CFAP91: variants seen among roughly 807,000 people sequenced by gnomAD.
The protein encoded by CFAP91 is cilia and flagella associated protein 91.
A neutral mutation model predicts 95.9 loss-of-function variants in CFAP91; 85 were observed. The ratio of observed to expected loss-of-function variants is 0.89; its 90% CI spans 0.74 to 1.06. CFAP91 has a LOEUF of 1.06. Ranked by LOEUF, CFAP91 falls within the 50% of genes least tolerant of loss-of-function variation. The probability of loss-of-function intolerance (pLI) is 0.00; values close to 1 mark genes in which losing one functional copy is unlikely to be tolerated. For synonymous variants in CFAP91, 335 were observed against 327.5 expected (o/e 1.02, Z -0.25); for missense variants, 962 against 943.4 (o/e 1.02, Z -0.26).
intron 17 of CFAP91, among the ~76,000 whole-genome samples, chr3:119,761,706 A>G (rs2054540866): frequency 6.6e-6 from 1 of 151,966 alleles, no homozygotes; most frequent in African/African-American, 2.4e-5. Context: ...TAAATGTGAT[A>G]TACCATATTA....
rs1040956753 is a variant in CFAP91, at chr3:119,766,681, A to G, written c.*1631A>G. The G allele has an allele frequency of 9.8e-5, 15 of 152,308 alleles. No individual in the cohort carries two copies. Among genetic ancestry groups the G allele is most frequent in the Middle Eastern group, 3.4e-3 (1 of 294 alleles). The allele number at this position is 152,308 out of a possible 1,614,324, so 9.4% of individuals were successfully genotyped here. A position where few individuals can be genotyped will look rare whatever the true frequency, so the allele number is the denominator to read the frequency against. ...GTCTGATGGTCGCCATCATAACTGC[A>G]TACTCAACTCTGCCGTTGTAGGGTA... On this transcript the variant is annotated 3_prime_UTR_variant, in exon 18 of 18. Transcript: ENST00000273390.
rs75370053 is a variant in CFAP91 at position 119,726,334 on chromosome 3, G to A, written c.846G>A (p.Glu282=). 16,960 of 1,611,160 alleles carry A rather than the reference G, an allele frequency of 0.011. 152 individuals carry two copies. The highest frequency in any genetic ancestry group is 0.029 in the South Asian group (2,619 of 90,542). The change falls in exon 7 of 18, where the codon GAG becomes GAA. Residue 282 remains glutamate, a synonymous_variant. Transcript: ENST00000273390. ...AGAGGAAGGAGTGGGCCTTCAGAGA[G>A]CAGGAGATTGAAAAGTAGGTTCTCT... is the stretch of plus-strand genomic sequence containing the variant. ...EMERKEWAFR[E]QEIEKLQEIR...
chr3:119,717,754 T>G (rs1353397378), intron 6 of CFAP91, among the ~76,000 whole-genome samples: 1 of 152,146 alleles, frequency 6.6e-6, no homozygotes, highest in East Asian at 1.9e-4. Flanking sequence ...ACCCCAGCTC[T>G]TCTTCTCAAT....
intron 8 of CFAP91, among the ~76,000 whole-genome samples, chr3:119,731,659 T>C (rs1020514263): frequency 6.6e-6 from 1 of 152,176 alleles, no homozygotes; most frequent in African/African-American, 2.4e-5. Flanking sequence ...CACGATCTTG[T>C]ATAAGATTTT....
At chr3:119,725,784 T>C (rs2053771657) in intron 6 of CFAP91, among the ~76,000 whole-genome samples, 2 of 152,070 alleles carry the variant, frequency 1.3e-5, no homozygotes, top group African/African-American at 4.8e-5. Flanking sequence ...AAAGTATATA[T>C]TTTTCACTTT....
intron 13 of CFAP91, among the ~76,000 whole-genome samples, 173 bp from the exon 14 acceptor site, chr3:119,743,802 T>G (rs539619989): frequency 6.7e-4 from 102 of 152,362 alleles, no homozygotes; most frequent in African/African-American, 2.4e-3. Flanking sequence ...TGCCTCAGTT[T>G]TCCTCATAAG....
intron 10 of CFAP91, among the ~76,000 whole-genome samples, chr3:119,734,015 A>G (rs1341866473): frequency 2.6e-5 from 4 of 152,156 alleles, no homozygotes; most frequent in Non-Finnish European, 4.4e-5. Context: ...GGTGTATAGA[A>G]TCTGTGGTTT....
chr3:119,704,209 A>G (rs1049805677), intron 1 of CFAP91, among the ~76,000 whole-genome samples: 2 of 152,188 alleles, frequency 1.3e-5, no homozygotes, highest in Non-Finnish European at 2.9e-5. Context: ...GAGAAGGAGG[A>G]CAAACATCTC....
intron 17 of CFAP91, among the ~76,000 whole-genome samples, chr3:119,752,811 A>G (rs1471219121): frequency 1.3e-5 from 2 of 152,222 alleles, no homozygotes; most frequent in South Asian, 2.1e-4. Context: ...TATGTAAAGC[A>G]TATATGATAA....
intron 17 of CFAP91, among the ~76,000 whole-genome samples, chr3:119,763,828 G>T (rs1032999287): frequency 1.3e-5 from 2 of 152,090 alleles, no homozygotes; most frequent in African/African-American, 4.8e-5. Flanking sequence ...AATGTTGGTT[G>T]CCAGAAGCTA....
At chr3:119,757,682 T>C (rs1170625920) in intron 17 of CFAP91, among the ~76,000 whole-genome samples, 1 of 152,104 alleles carries the variant, frequency 6.6e-6, no homozygotes, top group Non-Finnish European at 1.5e-5. Flanking sequence ...TGGAATATTT[T>C]AGATACATAA....
intron 17 of CFAP91, among the ~76,000 whole-genome samples, chr3:119,763,755 A>G (rs1161409557): frequency 6.6e-6 from 1 of 152,094 alleles, no homozygotes; most frequent in Non-Finnish European, 1.5e-5. Flanking sequence ...CCACACACAT[A>G]CACATATGCT....
chr3:119,710,200 G>C (rs2053448635), intron 5 of CFAP91: 1 of 229,294 alleles, frequency 4.4e-6, no homozygotes, highest in South Asian at 9.5e-5. Context: ...ATTTCTTACT[G>C]TTAGTTGTCC....
Position 119,703,910 on chromosome 3 carries a change from C to T in CFAP91, c.124+688C>T, listed in dbSNP as rs556995946. On this transcript the variant is annotated intron_variant, in intron 1 of 17. Coordinates refer to ENST00000273390, the MANE Select transcript of CFAP91 (RefSeq NM_033364.4). ...ATAAATAAATGTTTATTGAATTTGC[C>T]GTGGCAAGAACTGTAACCAGCTATA... is the stretch of plus-strand genomic sequence containing the variant. Among the ~76,000 whole-genome samples, 3 of 152,166 alleles carry T rather than the reference C, an allele frequency of 2.0e-5. No homozygotes were observed. In the South Asian group the frequency reaches 6.2e-4, roughly 32 times the overall value.
At chr3:119,719,189 A>G (rs1055449958) in intron 6 of CFAP91, among the ~76,000 whole-genome samples, 1 of 152,236 alleles carries the variant, frequency 6.6e-6, no homozygotes, top group Non-Finnish European at 1.5e-5. Context: ...AAAATAAGAT[A>G]CAGAAGAGTG....
chr3:119,708,626 A>G lies in CFAP91; in HGVS notation c.395A>G (p.Tyr132Cys). 6.2e-7 allele frequency: 1 copy of G among 1,607,460 alleles called. No individual in the cohort carries two copies. The highest frequency in any genetic ancestry group is 8.5e-7 in the Non-Finnish European group (1 of 1,176,656). ...TCTTTTCAGATGCCTAAAGAAGTTT[A>G]TGAAGATCCTGAAGTTACTGGAAAG... is the stretch of plus-strand genomic sequence containing the variant. The part of the protein sequence containing the change: ...DASFQMPKEV[Y>C]EDPEVTGKNR... The change falls in exon 4 of 18, where the codon TAT (tyrosine) becomes TGT (cysteine). Residue 132 changes from tyrosine (Y) to cysteine (C), a missense_variant. By Grantham distance (194) the Tyr-to-Cys change is radical. Coordinates refer to ENST00000273390, the MANE Select transcript of CFAP91 (RefSeq NM_033364.4).
Position 119,715,758 on chromosome 3 carries a change from C to A in CFAP91, c.682+15C>A, listed in dbSNP as rs1346736102. On this transcript the variant is annotated intron_variant, in intron 6 of 17. Transcript: ENST00000273390. ...GCTTACTTGGGGTGAGTTGGTAAATCTCCTGACTATTGGCAGATGACGATG... is the reference window on the plus strand; with the variant it reads ...GCTTACTTGGGGTGAGTTGGTAAATATCCTGACTATTGGCAGATGACGATG... The A allele has an allele frequency of 1.2e-6, 2 of 1,611,016 alleles. No individual in the cohort carries two copies. Among genetic ancestry groups the A allele is most frequent in the Admixed American group, 1.7e-5 (1 of 60,024 alleles).
intron 6 of CFAP91, among the ~76,000 whole-genome samples, chr3:119,724,810 T>C (rs2053749655): frequency 6.6e-6 from 1 of 152,150 alleles, no homozygotes; most frequent in Non-Finnish European, 1.5e-5. Flanking sequence ...AGTGGAGTGA[T>C]CTTGGCTCAC....
At position 119,738,332 on chromosome 3, in the gene CFAP91, C is replaced by CTTTTTTTTTTTTTTTTTT. The variant is rs556125660; in HGVS notation, c.1461+867_1461+884dup. 1.6e-3 allele frequency among the ~76,000 whole-genome samples: 36 copies of CTTTTTTTTTTTTTTTTTT among 23,074 alleles called. 8 individuals are homozygous for CTTTTTTTTTTTTTTTTTT. Among genetic ancestry groups the CTTTTTTTTTTTTTTTTTT allele is most frequent in the South Asian group, 0.01 (3 of 298 alleles). 15.1% of individuals were successfully genotyped at this position (23,074 alleles called of 152,430 possible). The stretch of plus-strand genomic sequence containing the variant: ...TGCAGGGCTTTGGTTGACATATTGT[C>CTTTTTTTTTTTTTTTTTT]TTTTTTTTTTTTTTTTTTTTTTTTT... On this transcript the variant is annotated intron_variant, in intron 11 of 17. Coordinates refer to ENST00000273390, the MANE Select transcript of CFAP91 (RefSeq NM_033364.4).
Sources: gnomAD v4.1 joint callset for allele counts (sites outside exome capture counted in the v4.1 genomes callset) on GRCh38, gnomAD v4.1.1 for gene constraint, MANE v1.5 for transcripts, NCBI Gene and HGNC (gene_info 2026-07-23, HGNC 2026-07-21) for gene names.